The following BMPER variants were observed in gnomAD, a reference collection of about 807,000 sequenced individuals.
BMPER encodes the protein BMP-binding endothelial regulator protein.
A neutral mutation model predicts 87.3 loss-of-function variants in BMPER; 45 were observed. The observed-to-expected ratio is 0.52, with a 90% CI of 0.41 to 0.66. The LOEUF (loss-of-function observed/expected upper bound fraction) is 0.66, where lower values mean the gene tolerates loss of function less well. Ranked by LOEUF, BMPER falls within the 30% of genes least tolerant of loss-of-function variation. The pLI is 0.00. For synonymous variants in BMPER, 326 were observed against 316.2 expected (o/e 1.03, Z -0.33); for missense variants, 784 against 867.5 (o/e 0.90, Z 1.21).
At chr7:34,006,979 A>C (rs1786752087) in intron 6 of BMPER, among the ~76,000 whole-genome samples, 1 of 152,090 alleles carries the variant, frequency 6.6e-6, no homozygotes, top group Non-Finnish European at 1.5e-5. Flanking sequence ...CTCTCTGCCA[A>C]TGCACCTTCC....
intron 6 of BMPER, among the ~76,000 whole-genome samples, chr7:34,019,450 C>T (rs1787122113): frequency 6.6e-6 from 1 of 151,984 alleles, no homozygotes; most frequent in African/African-American, 2.4e-5. Flanking sequence ...TTTTTTCCCT[C>T]CTCTGATCCG....
chr7:33,967,523 A>T (rs1454550942), intron 4 of BMPER, among the ~76,000 whole-genome samples: 1 of 152,244 alleles, frequency 6.6e-6, no homozygotes, highest in East Asian at 1.9e-4. Context: ...TCAGTTAAAT[A>T]TTCAGCTTAT....
chr7:34,035,635 G>T (rs549280870), intron 6 of BMPER, among the ~76,000 whole-genome samples: 1 of 152,234 alleles, frequency 6.6e-6, no homozygotes, highest in South Asian at 2.1e-4. Flanking sequence ...AAACATTTTT[G>T]AGTTATTTTC....
In BMPER at chr7:33,910,807, C is replaced by T. The variant is rs117389219; in HGVS notation, c.219+3904C>T. Among the ~76,000 whole-genome samples, 28 of 152,270 alleles carry T rather than the reference C, an allele frequency of 1.8e-4. 1 individual carries two copies. In the East Asian group the frequency reaches 5.0e-3, roughly 27 times the overall value. ...TTTTTTAATCACAAAAATCTAATAT[C>T]GCTGAACAAGGAGCTCCCAGCATCT... On this transcript the variant is annotated intron_variant, in intron 2 of 14. Coordinates refer to ENST00000649409, the MANE Select transcript of BMPER (RefSeq NM_001365308.1).
rs554559807 is a variant in BMPER at position 34,047,616 on chromosome 7, T to C, written c.676+1211T>C. On this transcript the variant is annotated intron_variant, in intron 7 of 14. Coordinates refer to ENST00000649409, the MANE Select transcript of BMPER (RefSeq NM_001365308.1). The stretch of plus-strand genomic sequence containing the variant: ...AATGATTCCTGGGCTCTTGAGCAAG[T>C]TGAGGTCAGACTATTAAGTTTCAAA... Among the ~76,000 whole-genome samples the C allele has an allele frequency of 1.1e-4, 16 of 152,222 alleles. 1 individual carries two copies. In the South Asian group the frequency reaches 3.1e-3, roughly 30 times the overall value.
chr7:33,933,997 A>C (rs954972993), intron 2 of BMPER, among the ~76,000 whole-genome samples: 3 of 152,228 alleles, frequency 2.0e-5, no homozygotes, highest in Admixed American at 6.5e-5. Context: ...TGAGTTCAGT[A>C]AGTGTGAGCC....
intron 6 of BMPER, among the ~76,000 whole-genome samples, chr7:33,979,437 A>G (rs1785785244): frequency 6.6e-6 from 1 of 151,872 alleles, no homozygotes; most frequent in East Asian, 2.0e-4. Flanking sequence ...CTCGTTTGCT[A>G]TAGCTTCCCT....
intron 3 of BMPER, among the ~76,000 whole-genome samples, chr7:33,954,835 T>C (rs897506132): frequency 2.6e-5 from 4 of 152,188 alleles, no homozygotes; most frequent in African/African-American, 9.7e-5. Context: ...CAGTAGCTGC[T>C]TTTCTTGACA....
In BMPER at chr7:34,153,318, A is replaced by T; in HGVS notation, c.*45A>T. On this transcript the variant is annotated 3_prime_UTR_variant, in exon 15 of 15. Transcript: ENST00000649409. ...GACTCTGAAATCTGGTGACTTTGACACTGAAGCGGAAGAGCCAATGAAGGA... is the reference window on the plus strand; with the variant it reads ...GACTCTGAAATCTGGTGACTTTGACTCTGAAGCGGAAGAGCCAATGAAGGA... 6.2e-7 allele frequency: 1 copy of T among 1,607,846 alleles called. No individual in the cohort carries two copies. The highest frequency in any genetic ancestry group is 1.7e-5 in the Admixed American group (1 of 59,984).
At chr7:34,072,219 G>A (rs910476214) in intron 11 of BMPER, among the ~76,000 whole-genome samples, 1 of 152,182 alleles carries the variant, frequency 6.6e-6, no homozygotes, top group Non-Finnish European at 1.5e-5. Context: ...CGTGGTACTT[G>A]GCATACACTA....
At position 34,031,943 on chromosome 7, in the gene BMPER, C is replaced by CACACACACAT. The variant is rs1419961368; in HGVS notation, c.577-14362_577-14361insCACACACATA. ...ATATATATATACACACACACACACA[C>CACACACACAT]ATATATATACACACACACATATATA... On this transcript the variant is annotated intron_variant, in intron 6 of 14. Transcript: ENST00000649409. Among the ~76,000 whole-genome samples the CACACACACAT allele has an allele frequency of 3.8e-4, 44 of 117,330 alleles. 2 individuals carry two copies. The highest frequency in any genetic ancestry group is 3.3e-3 in the East Asian group (13 of 3,964). 77.0% of individuals were successfully genotyped at this position (117,330 alleles called of 152,430 possible).
At chr7:34,043,493 A>G (rs1293650211) in intron 6 of BMPER, among the ~76,000 whole-genome samples, 2 of 152,186 alleles carry the variant, frequency 1.3e-5, no homozygotes, top group Non-Finnish European at 2.9e-5. Flanking sequence ...TGGGAAGTGT[A>G]GCATAGCACT....
chr7:34,149,943 G>T (rs923198820), intron 14 of BMPER, among the ~76,000 whole-genome samples: 1 of 152,120 alleles, frequency 6.6e-6, no homozygotes, highest in Non-Finnish European at 1.5e-5. Flanking sequence ...ATAGTTTAGG[G>T]AATATTTGTT....
intron 13 of BMPER, among the ~76,000 whole-genome samples, chr7:34,099,946 T>C (rs1296746138): frequency 4.6e-5 from 7 of 152,100 alleles, no homozygotes; most frequent in African/African-American, 1.7e-4. Flanking sequence ...TTGAGTCTCC[T>C]TTTCCCGGAA....
chr7:33,908,354 T>A (rs1460446293), intron 2 of BMPER, among the ~76,000 whole-genome samples: 1 of 152,210 alleles, frequency 6.6e-6, no homozygotes, highest in Non-Finnish European at 1.5e-5. Context: ...TTGTTTTCAC[T>A]TCAGCAATAT....
chr7:34,099,960 TG>T (rs1169133340), intron 13 of BMPER, among the ~76,000 whole-genome samples: 4 of 152,058 alleles, frequency 2.6e-5, no homozygotes, highest in African/African-American at 4.8e-5. Context: ...CCCGGAAAAA[TG>T]CACTCCTACC....
At chr7:33,975,984 A>G (rs1785677131) in intron 6 of BMPER, among the ~76,000 whole-genome samples, 1 of 152,028 alleles carries the variant, frequency 6.6e-6, no homozygotes, top group Admixed American at 6.6e-5. Flanking sequence ...GTATATCTCT[A>G]TATATCTAGA....
Position 34,148,945 on chromosome 7 carries a change from G to C in BMPER, c.1877-4147G>C, listed in dbSNP as rs79884867. Among the ~76,000 whole-genome samples, 1,318 of 152,314 alleles carry C rather than the reference G, an allele frequency of 8.7e-3. 15 individuals carry two copies. Among genetic ancestry groups the C allele is most frequent in the East Asian group, 0.042 (217 of 5,180 alleles). On this transcript the variant is annotated intron_variant, in intron 14 of 14. Transcript: ENST00000649409. ...GGCAAGGTGAGTTCTGAAAGCAGCG[G>C]AGTGGAAAATGAACTCAAGATTGGC...
At chr7:33,984,194 G>A (rs1785937080) in intron 6 of BMPER, among the ~76,000 whole-genome samples, 1 of 152,310 alleles carries the variant, frequency 6.6e-6, no homozygotes, top group African/African-American at 2.4e-5. Flanking sequence ...CCAGCCAGGT[G>A]TAGTGGCTCA....
Sources: allele counts gnomAD v4.1 joint callset (sites outside exome capture counted in the v4.1 genomes callset), GRCh38; gene constraint gnomAD v4.1.1; transcripts MANE v1.5; gene names NCBI Gene and HGNC (gene_info 2026-07-23, HGNC 2026-07-21).